Variants in SHOX2 observed in about 807,000 individuals in gnomAD.
SHOX2 encodes SHOX homeobox 2, also known as short stature homeobox protein 2.
In SHOX2, 13 loss-of-function variants were observed where a neutral mutation model predicts 31.3. The ratio of observed to expected loss-of-function variants is 0.42; its 90% confidence interval spans 0.27 to 0.66. The LOEUF (loss-of-function observed/expected upper bound fraction) is 0.66, where lower values mean the gene tolerates loss of function less well. SHOX2 is among the 30% of genes least tolerant of loss of function. SHOX2 has a pLI of 0.27. For missense variants in SHOX2, 473 were observed against 443.0 expected (o/e 1.07, Z -0.61); for synonymous variants, 244 against 196.2 (o/e 1.24, Z -2.04).
intron 1 of SHOX2, chr3:158,105,071 C>T (rs1396208289): frequency 2.3e-5 from 29 of 1,277,248 alleles, no homozygotes; most frequent in Non-Finnish European, 3.0e-5. Context: ...GAAACCGAAA[C>T]GCCTCGCCCG....
Position 158,106,063 on chromosome 3 carries a change from C to A in SHOX2, c.-39G>T, listed in dbSNP as rs1713910847. 1 of 1,609,598 alleles carries A rather than the reference C, an allele frequency of 6.2e-7. No individual in the cohort carries two copies. Among genetic ancestry groups the A allele is most frequent in the South Asian group, 1.1e-5 (1 of 91,054 alleles). On this transcript the variant is annotated 5_prime_UTR_variant, in exon 1 of 5. Transcript: ENST00000483851. Reference sequence around the variant, plus strand: ...CAGCCCGGCGCTCAACCTCTGCCAGCAGAGCCCCGCTCTTTTTTTCCTTCT... The same window carrying A: ...CAGCCCGGCGCTCAACCTCTGCCAGAAGAGCCCCGCTCTTTTTTTCCTTCT...
At chr3:158,101,041 A>G (rs1335617271) in intron 2 of SHOX2, among the ~76,000 whole-genome samples, 1 of 152,250 alleles carries the variant, frequency 6.6e-6, no homozygotes, top group Non-Finnish European at 1.5e-5. Flanking sequence ...AAGTATATAT[A>G]AAGCAAGTAA....
chr3:158,096,443 A>AC lies in SHOX2; in HGVS notation c.*1583_*1584insG, dbSNP rs1449251669. The AC allele has an allele frequency of 7.4e-5, 11 of 147,824 alleles. No homozygotes were observed. The highest frequency in any genetic ancestry group is 1.3e-4 in the African/African-American group (5 of 37,750). The allele number at this position is 147,824 out of a possible 1,614,324, so 9.2% of individuals were successfully genotyped here. A position where few individuals can be genotyped will look rare whatever the true frequency, so the allele number is the denominator to read the frequency against. On this transcript the variant is annotated 3_prime_UTR_variant, in exon 5 of 5. Transcript: ENST00000483851. The stretch of plus-strand genomic sequence containing the variant: ...AAAACAAAAAAGAAACAAACAAACA[A>AC]AAAAAAAAGGTTACTTGAATAGATA...
chr3:158,105,669 A>G lies in SHOX2; in HGVS notation c.346+10T>C, dbSNP rs1260426408. On this transcript the variant is annotated intron_variant, in intron 1 of 4. Coordinates refer to ENST00000483851, the MANE Select transcript of SHOX2 (RefSeq NM_001163678.2). The stretch of plus-strand genomic sequence containing the variant: ...GGGGAACCGCTGCCGGGGGTCAGTC[A>G]GGTCGTTACCCTCCGTCAGTCGCGG... 4 of 1,520,006 alleles carry G rather than the reference A, an allele frequency of 2.6e-6. No individual in the cohort carries two copies. Among genetic ancestry groups the G allele is most frequent in the Non-Finnish European group, 2.6e-6 (3 of 1,136,298 alleles). The allele number at this position is 1,520,006 out of a possible 1,614,324, so 94.2% of individuals were successfully genotyped here.
At chr3:158,098,306 G>A (rs745685033) in intron 4 of SHOX2, 22 bp from the exon 5 acceptor site, 3 of 1,611,066 alleles carry the variant, frequency 1.9e-6, no homozygotes, top group South Asian at 1.1e-5. Flanking sequence ...AGGGCGTCAC[G>A]TTGCAATGAC....
At chr3:158,103,226 C>T (rs1321141154) in intron 1 of SHOX2, 1 of 391,140 alleles carries the variant, frequency 2.6e-6, no homozygotes, top group Admixed American at 3.8e-5. Context: ...TTTCCACTCA[C>T]TTTCGCACTC....
chr3:158,105,384 T>G, intron 1 of SHOX2: 1 of 581,408 alleles, frequency 1.7e-6, no homozygotes, highest in Non-Finnish European at 3.1e-6. Context: ...TGCGGGCCCA[T>G]CCTCCCGCTG....
intron 4 of SHOX2, among the ~76,000 whole-genome samples, chr3:158,098,703 G>T (rs1713291973): frequency 6.6e-6 from 1 of 152,164 alleles, no homozygotes; most frequent in Non-Finnish European, 1.5e-5. Context: ...AGCAAACTAC[G>T]CAACTTTTTA....
rs753723852 is a variant in SHOX2 at position 158,106,011 on chromosome 3, G to GTTC, written c.13_14insGAA (p.Leu4_Thr5insArg). 1 of 1,612,916 alleles carries GTTC rather than the reference G, an allele frequency of 6.2e-7. No homozygotes were observed. The highest frequency in any genetic ancestry group is 1.3e-5 in the African/African-American group (1 of 75,002). ...GTCAAAAGACTTGGAGACGAACGCC[G>GTTC]TAAGTTCTTCCATCGCCGCCGCACG... is the stretch of plus-strand genomic sequence containing the variant. On this transcript the variant is annotated inframe_insertion, in exon 1 of 5. Transcript: ENST00000483851.
rs373489053 is a variant in SHOX2 at position 158,105,964 on chromosome 3, C to T, written c.61G>A (p.Glu21Lys). ...SFDQKVKEKK[E>K]AITYREVLES... ...AGCACCTCCCGGTACGTGATCGCCT[C>T]CTTCTTCTCCTTCACTTTCTGGTCA... Residue 21 changes from glutamate to lysine, a missense_variant, in exon 1 of 5, where the codon GAG becomes AAG. Glu to Lys is a moderately conservative substitution (Grantham distance 56). This residue lies in a region of SHOX2 where 276 missense variants were observed against 230.0 expected (regional missense o/e 1.20). Transcript: ENST00000483851. The T allele has an allele frequency of 2.4e-5, 39 of 1,613,030 alleles. No homozygotes were observed. The African/African-American group carries it at 3.5e-4, about 14-fold the overall frequency.
chr3:158,097,964 G>A lies in SHOX2; in HGVS notation c.*63C>T, dbSNP rs1362109648. The A allele has an allele frequency of 2.0e-5, 31 of 1,533,162 alleles. No individual in the cohort carries two copies. The South Asian group carries it at 3.0e-4, about 15-fold the overall frequency. 95.0% of individuals were successfully genotyped at this position (1,533,162 alleles called of 1,614,324 possible). On this transcript the variant is annotated 3_prime_UTR_variant, in exon 5 of 5. Transcript: ENST00000483851. ...CAAAGGGGTAACGGAGAAGCAGCGG[G>A]GCGCGGAGGGCGTGCAGGCTGAGTG...
chr3:158,105,415 G>C lies in SHOX2; in HGVS notation c.346+264C>G, dbSNP rs1156358040. 5.0e-6 allele frequency: 3 copies of C among 595,778 alleles called. No homozygotes were observed. In the African/African-American group the frequency reaches 5.6e-5, roughly 11 times the overall value. The allele number at this position is 595,778 out of a possible 1,614,324, so 36.9% of individuals were successfully genotyped here. On this transcript the variant is annotated intron_variant, in intron 1 of 4. Coordinates refer to ENST00000483851, the MANE Select transcript of SHOX2 (RefSeq NM_001163678.2). ...CGCTGGTGAAAAATGCATTTCGGTG[G>C]AATGGGAACATCTGGGAAGGGCGCG...
intron 2 of SHOX2, 129 bp downstream of exon 2, chr3:158,102,549 G>T (rs1713558004): frequency 1.4e-6 from 1 of 710,352 alleles, no homozygotes; most frequent in Admixed American, 2.5e-5. Flanking sequence ...CTCTAGTAAA[G>T]ATATCTCTTT....
In SHOX2 at chr3:158,106,273, G is replaced by T. The variant is rs1713929732; in HGVS notation, c.-249C>A. On this transcript the variant is annotated 5_prime_UTR_variant, in exon 1 of 5. Coordinates refer to ENST00000483851, the MANE Select transcript of SHOX2 (RefSeq NM_001163678.2). ...GAAGAAGAGGAAGAGGGGGAGAAGGGTGAAGAGGAGAGGGAGGAGGAGGAG... is the reference window on the plus strand; with the variant it reads ...GAAGAAGAGGAAGAGGGGGAGAAGGTTGAAGAGGAGAGGGAGGAGGAGGAG... 5.6e-6 allele frequency: 3 copies of T among 538,196 alleles called. No homozygotes were observed. Among genetic ancestry groups the T allele is most frequent in the Non-Finnish European group, 9.5e-6 (3 of 316,728 alleles). 33.3% of individuals were successfully genotyped at this position (538,196 alleles called of 1,614,324 possible).
In SHOX2 at chr3:158,096,979, G is replaced by C. The variant is rs563036790; in HGVS notation, c.*1048C>G. 9.5e-5 allele frequency: 12 copies of C among 126,516 alleles called. No homozygotes were observed. Among genetic ancestry groups the C allele is most frequent in the Non-Finnish European group, 1.9e-4 (12 of 62,156 alleles). 7.8% of individuals were successfully genotyped at this position (126,516 alleles called of 1,614,324 possible). On this transcript the variant is annotated 3_prime_UTR_variant, in exon 5 of 5. Transcript: ENST00000483851. The stretch of plus-strand genomic sequence containing the variant: ...ATGGATATATATATATCAATTTCCA[G>C]ATACTTTTGGTATTGTTTTTCATAG...
chr3:158,097,793 C>T lies in SHOX2; in HGVS notation c.*234G>A, dbSNP rs2108119641. The stretch of plus-strand genomic sequence containing the variant: ...CCTACAAAACCCAATTCTAGGCCCT[C>T]GAGTAGGAAAACGGGCAGGAGCCAC... On this transcript the variant is annotated 3_prime_UTR_variant, in exon 5 of 5. Transcript: ENST00000483851. The T allele has an allele frequency of 3.4e-6, 2 of 589,880 alleles. No homozygotes were observed. Among genetic ancestry groups the T allele is most frequent in the Non-Finnish European group, 3.0e-6 (1 of 338,142 alleles). The allele number at this position is 589,880 out of a possible 1,614,324, so 36.5% of individuals were successfully genotyped here.
intron 1 of SHOX2, chr3:158,103,620 C>T (rs1298937559): frequency 6.6e-6 from 1 of 152,342 alleles, no homozygotes; most frequent in African/African-American, 2.4e-5. Flanking sequence ...GGCGCCCACG[C>T]CATGTTGGCT....
chr3:158,100,236 C>T lies in SHOX2; in HGVS notation c.613+18G>A. 6.4e-7 allele frequency: 1 copy of T among 1,556,692 alleles called. No individual in the cohort carries two copies. The highest frequency in any genetic ancestry group is 8.7e-7 in the Non-Finnish European group (1 of 1,148,110). Reference sequence around the variant, plus strand: ...TCTTTGCTCAGACTATCAAATGTTCCTTGTATAAGAAGCATACCTTTATGG... The same window carrying T: ...TCTTTGCTCAGACTATCAAATGTTCTTTGTATAAGAAGCATACCTTTATGG... On this transcript the variant is annotated intron_variant, in intron 3 of 4. Transcript: ENST00000483851.
Position 158,102,074 on chromosome 3 carries a change from G to A in SHOX2, c.555+604C>T, listed in dbSNP as rs114988012. ...GTCAGTTTCGTTGCCTTGGTTAAAT[G>A]AATGAACAAAGAGTGACCAAAATGC... On this transcript the variant is annotated intron_variant, in intron 2 of 4. Coordinates refer to ENST00000483851, the MANE Select transcript of SHOX2 (RefSeq NM_001163678.2). 6.0e-3 allele frequency among the ~76,000 whole-genome samples: 913 copies of A among 152,326 alleles called. 3 individuals are homozygous for A. Among genetic ancestry groups the A allele is most frequent in the Non-Finnish European group, 8.4e-3 (569 of 68,042 alleles).
Sources: gnomAD v4.1 joint callset for allele counts (sites outside exome capture counted in the v4.1 genomes callset) on GRCh38, gnomAD v4.1.1 for gene constraint, gnomAD v4.1.1 regional missense constraint, MANE v1.5 for transcripts, NCBI Gene and HGNC (gene_info 2026-07-23, HGNC 2026-07-21) for gene names.